Variants in ROBO1 observed in about 807,000 individuals in gnomAD.
The protein encoded by ROBO1 is roundabout homolog 1.
A neutral mutation model predicts 195.9 loss-of-function variants in ROBO1; 149 were observed. That is an observed-to-expected ratio of 0.76 (90% CI 0.67 to 0.87). The LOEUF (loss-of-function observed/expected upper bound fraction) is 0.87. ROBO1 is among the 40% of genes least tolerant of loss of function. ROBO1 has a pLI of 0.00. For synonymous variants in ROBO1, 816 were observed against 733.2 expected (o/e 1.11, Z -1.82); for missense variants, 1,933 against 2,068.3 (o/e 0.93, Z 1.27).
chr3:78,769,618 G>GTTTTTTTTTTT (rs34157314), intron 4 of ROBO1, among the ~76,000 whole-genome samples: 1 of 84,006 alleles, frequency 1.2e-5, no homozygotes, highest in Non-Finnish European at 2.2e-5. Context: ...GTGTACTTTG[G>GTTTTTTTTTTT]TTTTTTTTTT....
chr3:79,502,409 T>C (rs1404982068), intron 2 of ROBO1, among the ~76,000 whole-genome samples: 2 of 152,150 alleles, frequency 1.3e-5, no homozygotes, highest in Non-Finnish European at 2.9e-5. Context: ...CAGCAGCTGC[T>C]GTACTCGATT....
At chr3:79,572,606 A>G (rs978609455) in intron 2 of ROBO1, among the ~76,000 whole-genome samples, 3 of 152,298 alleles carry the variant, frequency 2.0e-5, no homozygotes, top group East Asian at 1.9e-4. Context: ...CTGAAATAAT[A>G]AAATGCAATC....
intron 8 of ROBO1, among the ~76,000 whole-genome samples, chr3:78,695,234 G>A (rs552688626): frequency 2.0e-5 from 3 of 152,094 alleles, no homozygotes; most frequent in African/African-American, 4.8e-5. Context: ...AAACCTGCAC[G>A]TTGTACACAA....
At chr3:79,594,567 A>G (rs946577840) in intron 1 of ROBO1, among the ~76,000 whole-genome samples, 1 of 152,046 alleles carries the variant, frequency 6.6e-6, no homozygotes, top group Non-Finnish European at 1.5e-5. Flanking sequence ...CCAGTGTTTT[A>G]GAATCACAGA....
intron 1 of ROBO1, among the ~76,000 whole-genome samples, chr3:79,595,443 C>T (rs1944136110): frequency 1.3e-5 from 2 of 152,008 alleles, no homozygotes; most frequent in Non-Finnish European, 2.9e-5. Flanking sequence ...TTCTGAAACT[C>T]TTCAGCCTAG....
intron 1 of ROBO1, among the ~76,000 whole-genome samples, chr3:79,691,192 A>G (rs1292859691): frequency 2.0e-5 from 3 of 151,816 alleles, no homozygotes; most frequent in African/African-American, 4.8e-5. Context: ...AATAATAGCC[A>G]CCTAGCAGTG....
chr3:79,639,185 C>T (rs1039559305), intron 1 of ROBO1, among the ~76,000 whole-genome samples: 4 of 152,098 alleles, frequency 2.6e-5, no homozygotes, highest in African/African-American at 9.7e-5. Context: ...TCATAGAATA[C>T]ACCATCACAT....
intron 3 of ROBO1, among the ~76,000 whole-genome samples, chr3:78,963,718 C>A (rs749391973): frequency 2.6e-5 from 4 of 151,576 alleles, no homozygotes; most frequent in Non-Finnish European, 5.9e-5. Flanking sequence ...GGGGTTTCAC[C>A]GTGTTAGCCA....
intron 2 of ROBO1, among the ~76,000 whole-genome samples, chr3:79,237,683 T>C (rs180673265): frequency 6.6e-6 from 1 of 152,304 alleles, no homozygotes; most frequent in Non-Finnish European, 1.5e-5. Flanking sequence ...CACGTAATTT[T>C]TGTCAAATGT....
At chr3:78,945,439 C>T (rs2040377370) in intron 3 of ROBO1, among the ~76,000 whole-genome samples, 1 of 152,200 alleles carries the variant, frequency 6.6e-6, no homozygotes, top group Non-Finnish European at 1.5e-5. Flanking sequence ...CAAACTCTAA[C>T]AGACCTGCAG....
intron 3 of ROBO1, among the ~76,000 whole-genome samples, chr3:79,090,810 T>C (rs189099747): frequency 5.5e-4 from 84 of 152,270 alleles, no homozygotes; most frequent in Admixed American, 2.2e-3. Context: ...TCACTGATAG[T>C]ATTGGGAGCC....
chr3:79,052,385 A>T (rs1406944217), intron 3 of ROBO1, among the ~76,000 whole-genome samples: 12 of 152,090 alleles, frequency 7.9e-5, no homozygotes, highest in Non-Finnish European at 1.6e-4. Context: ...GATGTTTATC[A>T]ATGACAATGT....
rs113351050 is a variant in ROBO1, at chr3:78,945,390, C to T, written c.173-6463G>A. 7.4e-3 allele frequency among the ~76,000 whole-genome samples: 1,134 copies of T among 152,276 alleles called. 12 individuals carry two copies. Among genetic ancestry groups the T allele is most frequent in the African/African-American group, 0.026 (1,092 of 41,544 alleles). ...ATATGCTGTTCTGCAGACACCGCTG[C>T]TGATACCCAGGCAAACAGGGTCTGG... On this transcript the variant is annotated intron_variant, in intron 3 of 30. Transcript: ENST00000464233.
At chr3:79,106,361 T>C (rs971328815) in intron 3 of ROBO1, among the ~76,000 whole-genome samples, 3 of 151,652 alleles carry the variant, frequency 2.0e-5, no homozygotes, top group Non-Finnish European at 4.4e-5. Context: ...CCGGGGTTCA[T>C]TAAATTAACA....
At chr3:79,367,093 C>A (rs1030386965) in intron 2 of ROBO1, among the ~76,000 whole-genome samples, 2 of 152,182 alleles carry the variant, frequency 1.3e-5, no homozygotes, top group African/African-American at 4.8e-5. Flanking sequence ...TGTTAAACAT[C>A]TAAATTATGT....
In ROBO1 at chr3:78,938,662, G is replaced by A. The variant is rs2039953801; in HGVS notation, c.438C>T (p.Val146=). The part of the protein sequence containing the change: ...RKSRPDEGVY[V]CVARNYLGEA... ...CTCCAAGGTAATTCCTTGCTACACA[G>A]ACATAGACTCCTTCATCAGGTCTAC... The change falls in exon 4 of 31, where the codon GTC becomes GTT. Residue 146 remains valine, a synonymous_variant. Transcript: ENST00000464233. 2 of 1,613,776 alleles carry A rather than the reference G, an allele frequency of 1.2e-6. No homozygotes were observed. Among genetic ancestry groups the A allele is most frequent in the African/African-American group, 1.3e-5 (1 of 74,874 alleles).
intron 2 of ROBO1, among the ~76,000 whole-genome samples, chr3:79,437,382 A>G (rs2107094194): frequency 6.6e-6 from 1 of 152,136 alleles, no homozygotes. Flanking sequence ...GAAAAGATAT[A>G]ATACCTGCAA....
chr3:79,019,369 G>T, intron 3 of ROBO1: 2 of 985,856 alleles, frequency 2.0e-6, no homozygotes, highest in Non-Finnish European at 2.4e-6. Context: ...CTGCGGGTGG[G>T]AGAGACGGCC....
intron 2 of ROBO1, among the ~76,000 whole-genome samples, chr3:79,510,137 T>TC (rs1247434748): frequency 1.3e-5 from 2 of 152,042 alleles, no homozygotes; most frequent in African/African-American, 2.4e-5. Context: ...TTTGGCTGTG[T>TC]CCCCCCACCA....
Sources: allele counts gnomAD v4.1 joint callset (sites outside exome capture counted in the v4.1 genomes callset), GRCh38; gene constraint gnomAD v4.1.1; transcripts MANE v1.5; gene names NCBI Gene and HGNC (gene_info 2026-07-23, HGNC 2026-07-21).